BLK: variants seen among roughly 807,000 people sequenced by gnomAD.
BLK encodes the protein tyrosine-protein kinase Blk.
Under a neutral mutation model 61.8 loss-of-function variants are expected in BLK, and 64 were observed. The observed-to-expected ratio is 1.03, with a 90% CI of 0.85 to 1.27. BLK has a LOEUF of 1.27. BLK is among the 50% of genes most tolerant of loss of function. BLK has a pLI of 0.00. For synonymous variants in BLK, 351 were observed against 272.0 expected (o/e 1.29, Z -2.86); for missense variants, 853 against 660.5 (o/e 1.29, Z -3.19).
chr8:11,546,726 C>T (rs1160363236), intron 3 of BLK, among the ~76,000 whole-genome samples: 1 of 152,246 alleles, frequency 6.6e-6, no homozygotes, highest in Non-Finnish European at 1.5e-5. Context: ...CAGGTGCACA[C>T]AACCACACCG....
At chr8:11,504,043 T>G (rs2736350) in intron 1 of BLK, among the ~76,000 whole-genome samples, 62,097 of 151,978 alleles carry the variant, frequency 0.41, 13,879 homozygotes, top group East Asian at 0.72. Context: ...CCCATTCACA[T>G]CCAGGCACAG....
intron 1 of BLK, among the ~76,000 whole-genome samples, chr8:11,531,046 T>G (rs1161814067): frequency 6.6e-6 from 1 of 152,222 alleles, no homozygotes; most frequent in East Asian, 1.9e-4. Context: ...TGGGTGGTTG[T>G]GTGGTGGCAT....
At chr8:11,511,710 A>G (rs1799014681) in intron 1 of BLK, among the ~76,000 whole-genome samples, 2 of 152,228 alleles carry the variant, frequency 1.3e-5, no homozygotes, top group Non-Finnish European at 2.9e-5. Flanking sequence ...TACGGCAAAC[A>G]GTCATGCAAC....
intron 1 of BLK, among the ~76,000 whole-genome samples, chr8:11,538,744 C>T (rs955060266): frequency 3.9e-5 from 6 of 152,092 alleles, no homozygotes; most frequent in African/African-American, 7.2e-5. Flanking sequence ...ACTGGCCCTT[C>T]GTTGAGTCAG....
At chr8:11,544,737 C>T (rs746772041) in intron 2 of BLK, among the ~76,000 whole-genome samples, 20 of 152,158 alleles carry the variant, frequency 1.3e-4, no homozygotes, top group Non-Finnish European at 2.9e-4. Context: ...GTGTTCATTT[C>T]ATGTGTTCCT....
chr8:11,547,992 T>C, intron 3 of BLK, 40 bp from the exon 4 acceptor site: 1 of 1,567,114 alleles, frequency 6.4e-7, no homozygotes, highest in South Asian at 1.1e-5. Context: ...TTCCCGCTTG[T>C]GGGCCTGAGT....
intron 1 of BLK, among the ~76,000 whole-genome samples, chr8:11,507,377 A>C (rs1022976091): frequency 6.6e-6 from 1 of 152,210 alleles, no homozygotes; most frequent in African/African-American, 2.4e-5. Flanking sequence ...CCTGGCCTGG[A>C]CCACCATGTA....
chr8:11,553,134 A>G (rs1324916938), intron 6 of BLK: 1 of 194,338 alleles, frequency 5.1e-6, no homozygotes, highest in East Asian at 1.4e-4. Flanking sequence ...ACTCCAAAGC[A>G]AGACCCCTCT....
In BLK at chr8:11,548,131, G is replaced by A. The variant is rs749456754; in HGVS notation, c.269+6G>A. 1 of 1,609,948 alleles carries A rather than the reference G, an allele frequency of 6.2e-7. No individual in the cohort carries two copies. The highest frequency in any genetic ancestry group is 8.5e-7 in the Non-Finnish European group (1 of 1,177,370). On this transcript the variant is annotated splice_donor_region_variant and intron_variant, in intron 4 of 12. Transcript: ENST00000259089. Reference sequence around the variant, plus strand: ...AAGCTACAGGTCCTGAAGGGGTGAGGTTCCAGGACACCATCCCCTGTCCCT... The same window carrying A: ...AAGCTACAGGTCCTGAAGGGGTGAGATTCCAGGACACCATCCCCTGTCCCT...
intron 11 of BLK, among the ~76,000 whole-genome samples, chr8:11,561,882 A>C (rs1329127263): frequency 1.3e-5 from 2 of 151,172 alleles, no homozygotes; most frequent in African/African-American, 4.9e-5. Flanking sequence ...GCAGTGGCAC[A>C]ATCTTGGCTC....
rs187170433 is a variant in BLK, at chr8:11,523,023, T to C, written c.-1-20201T>C. Among the ~76,000 whole-genome samples, 356 of 147,620 alleles carry C rather than the reference T, an allele frequency of 2.4e-3. 1 individual carries two copies. The highest frequency in any genetic ancestry group is 4.2e-3 in the Non-Finnish European group (281 of 67,296). Reference sequence around the variant, plus strand: ...AAGAAAGTGTACCAAAATATGAATATCTGTTTGATCTTAGCAGTGTCACAT... The same window carrying C: ...AAGAAAGTGTACCAAAATATGAATACCTGTTTGATCTTAGCAGTGTCACAT... On this transcript the variant is annotated intron_variant, in intron 1 of 12. Transcript: ENST00000259089.
intron 1 of BLK, among the ~76,000 whole-genome samples, chr8:11,518,804 C>G (rs1158651675): frequency 6.6e-6 from 1 of 152,226 alleles, no homozygotes; most frequent in Non-Finnish European, 1.5e-5. Flanking sequence ...CTGCTCTGCT[C>G]CAAGTGCAGG....
At chr8:11,532,906 G>A (rs1284538029) in intron 1 of BLK, among the ~76,000 whole-genome samples, 2 of 152,182 alleles carry the variant, frequency 1.3e-5, no homozygotes, top group Non-Finnish European at 1.5e-5. Flanking sequence ...ATTGGTTTTT[G>A]AATAACAGTT....
chr8:11,562,352 T>G (rs10109802), intron 11 of BLK, among the ~76,000 whole-genome samples: 64,663 of 151,644 alleles, frequency 0.43, 14,735 homozygotes, highest in East Asian at 0.92. Context: ...ATGAGTCAGA[T>G]GACAAGCAGA....
chr8:11,551,517 G>A (rs567657564), intron 6 of BLK, among the ~76,000 whole-genome samples: 5 of 152,286 alleles, frequency 3.3e-5, no homozygotes, highest in Admixed American at 2.0e-4. Context: ...TCTCAGGACC[G>A]AGGGTTAGGA....
At position 11,510,045 on chromosome 8, in the gene BLK, A is replaced by G. The variant is rs566443225; in HGVS notation, c.-2+15454A>G. ...TGTGAACTCTATCACCATTTCAATC[A>G]GGTGTTTCGTTTGCTTCCATATTTT... On this transcript the variant is annotated intron_variant, in intron 1 of 12. Coordinates refer to ENST00000259089, the MANE Select transcript of BLK (RefSeq NM_001715.3). 2.0e-4 allele frequency among the ~76,000 whole-genome samples: 31 copies of G among 152,304 alleles called. No individual in the cohort carries two copies. In the South Asian group the frequency reaches 6.2e-3, roughly 31 times the overall value.
At chr8:11,553,677 C>T (rs924479215) in intron 6 of BLK, 4 of 167,366 alleles carry the variant, frequency 2.4e-5, no homozygotes, top group Non-Finnish European at 2.6e-5. Context: ...CGGGCAGGGT[C>T]GGGGAGACAG....
chr8:11,508,192 C>T (rs1367310861), intron 1 of BLK, among the ~76,000 whole-genome samples: 2 of 152,216 alleles, frequency 1.3e-5, no homozygotes, highest in East Asian at 1.9e-4. Context: ...CTTCATTAAC[C>T]ACCGCCTCTG....
intron 1 of BLK, among the ~76,000 whole-genome samples, chr8:11,508,935 C>T (rs770898090): frequency 5.1e-4 from 78 of 152,248 alleles, no homozygotes; most frequent in Middle Eastern, 3.4e-3. Flanking sequence ...AAATGCTGGG[C>T]GCCTTTTGTG....
Sources: gnomAD v4.1 joint callset for allele counts (sites outside exome capture counted in the v4.1 genomes callset) on GRCh38, gnomAD v4.1.1 for gene constraint, MANE v1.5 for transcripts, NCBI Gene and HGNC (gene_info 2026-07-23, HGNC 2026-07-21) for gene names.